PDE1A: variants seen among roughly 807,000 people sequenced by gnomAD.
The protein encoded by PDE1A is dual specificity calcium/calmodulin-dependent 3',5'-cyclic nucleotide phosphodiesterase 1A.
PDE1A carries 35 observed loss-of-function variants against 61.7 expected under a neutral mutation model. The observed-to-expected ratio is 0.57, with a 90% CI of 0.43 to 0.75. PDE1A has a LOEUF of 0.75. PDE1A is among the 30% of genes least tolerant of loss of function. The pLI, the probability that PDE1A is intolerant of heterozygous loss-of-function variation, is 0.00. For synonymous variants in PDE1A, 232 were observed against 213.2 expected, an observed-to-expected ratio of 1.09 and a Z score of -0.77; for missense variants, 597 against 630.6, an observed-to-expected ratio of 0.95 and a Z score of 0.57.
At chr2:182,316,432 T>C (rs1696345172) in intron 1 of PDE1A, among the ~76,000 whole-genome samples, 1 of 152,214 alleles carries the variant, frequency 6.6e-6, no homozygotes, top group African/African-American at 2.4e-5. Flanking sequence ...AGGAAATAAG[T>C]AATTTGCCCA....
intron 2 of PDE1A, among the ~76,000 whole-genome samples, chr2:182,463,220 C>A (rs1309272503): frequency 6.6e-6 from 1 of 151,412 alleles, no homozygotes; most frequent in Non-Finnish European, 1.5e-5. Context: ...GCCTGGGTGA[C>A]AAAGCGAGTC....
chr2:182,319,560 T>C (rs916293159), intron 1 of PDE1A, among the ~76,000 whole-genome samples: 19 of 152,302 alleles, frequency 1.2e-4, no homozygotes, highest in African/African-American at 4.1e-4. Context: ...AATGGGGTGA[T>C]GTTATGTAGA....
At chr2:182,479,250 T>C (rs1421051443) in intron 2 of PDE1A, among the ~76,000 whole-genome samples, 1 of 151,932 alleles carries the variant, frequency 6.6e-6, no homozygotes, top group African/African-American at 2.4e-5. Context: ...TCAGCAATTG[T>C]AGGCATCTTA....
At chr2:182,166,735 G>A (rs1351647915), downstream of PDE1A, among the ~76,000 whole-genome samples, 1 of 152,116 alleles carries the variant, frequency 6.6e-6, no homozygotes, top group Non-Finnish European at 1.5e-5. Context: ...CTAATCTGAT[G>A]ATATTTTATA....
chr2:182,453,377 A>G (rs1244757735), intron 2 of PDE1A, among the ~76,000 whole-genome samples: 2 of 152,014 alleles, frequency 1.3e-5, no homozygotes, highest in African/African-American at 4.8e-5. Context: ...GCCAAATTGG[A>G]CACATGATGC....
At position 182,310,613 on chromosome 2, in the gene PDE1A, T is replaced by TC. The variant is rs1695902613; in HGVS notation, c.54-46200dup. 3.3e-5 allele frequency among the ~76,000 whole-genome samples: 5 copies of TC among 152,204 alleles called. No homozygotes were observed. The South Asian group carries it at 1.0e-3, about 32-fold the overall frequency. ...CGAGATGTATTTAACGCAAATTTAT[T>TC]CCCCCAAAGACAATATAATTGGCAT... On this transcript the variant is annotated intron_variant, in intron 1 of 13. Coordinates refer to ENST00000351439, the Ensembl canonical transcript of PDE1A.
At chr2:182,447,163 T>G (rs1398548964) in intron 2 of PDE1A, among the ~76,000 whole-genome samples, 1 of 151,800 alleles carries the variant, frequency 6.6e-6, no homozygotes, top group Non-Finnish European at 1.5e-5. Context: ...TCTATTCATA[T>G]TTTAAATATC....
the PDE1A span, among the ~76,000 whole-genome samples, chr2:182,659,711 G>A: frequency 1.3e-5 from 2 of 152,156 alleles, no homozygotes; most frequent in South Asian, 2.1e-4. Flanking sequence ...CACCAACCTT[G>A]GTATTCCTTT....
chr2:182,240,489 GACA>G (rs1378144721), intron 2 of PDE1A, among the ~76,000 whole-genome samples, 197 bp from the exon 3 acceptor site: 1 of 152,120 alleles, frequency 6.6e-6, no homozygotes, highest in East Asian at 1.9e-4. Flanking sequence ...ATCATATGAA[GACA>G]ACAACGAATA....
At chr2:182,605,789 G>C in the PDE1A span, among the ~76,000 whole-genome samples, 1 of 152,158 alleles carries the variant, frequency 6.6e-6, no homozygotes, top group Non-Finnish European at 1.5e-5. Context: ...CTCACCAAGG[G>C]TGAAGTAAAA....
intron 13 of PDE1A, among the ~76,000 whole-genome samples, chr2:182,180,557 C>A (rs547830057): frequency 6.6e-6 from 1 of 152,184 alleles, no homozygotes; most frequent in African/African-American, 2.4e-5. Flanking sequence ...CTGAAAATTA[C>A]GTGTCCTGGC....
intron 2 of PDE1A, among the ~76,000 whole-genome samples, chr2:182,467,119 A>G (rs1686725492): frequency 1.3e-5 from 2 of 151,790 alleles, no homozygotes; most frequent in South Asian, 4.1e-4. Flanking sequence ...TAACGAAGAA[A>G]AAAAGAAGAA....
Position 182,518,840 on chromosome 2 carries a change from T to C in PDE1A, c.101+3436A>G, listed in dbSNP as rs186001957. On this transcript the variant is annotated intron_variant, in intron 2 of 14. Coordinates refer to the PDE1A transcript ENST00000410103. ...GAATTTTCTACCTGAAAAATGCTCA[T>C]TTTCAGTTTTCTGAAAATGCTGTCA... is the stretch of plus-strand genomic sequence containing the variant. 8.3e-4 allele frequency among the ~76,000 whole-genome samples: 126 copies of C among 152,282 alleles called. 2 individuals are homozygous for C. Among genetic ancestry groups the C allele is most frequent in the African/African-American group, 2.9e-3 (120 of 41,580 alleles).
At chr2:182,678,338 G>A in the PDE1A span, among the ~76,000 whole-genome samples, 7 of 152,224 alleles carry the variant, frequency 4.6e-5, no homozygotes, top group East Asian at 7.7e-4. Context: ...CAGCAGAATC[G>A]TTTGAACCTG....
the PDE1A span, among the ~76,000 whole-genome samples, chr2:182,562,264 AG>A: frequency 5.3e-5 from 8 of 151,984 alleles, no homozygotes; most frequent in East Asian, 1.9e-4. Context: ...TTTAGCATGA[AG>A]GGTTGTTGAA....
At chr2:182,395,737 G>C (rs1701668079) in intron 1 of PDE1A, among the ~76,000 whole-genome samples, 1 of 152,174 alleles carries the variant, frequency 6.6e-6, no homozygotes, top group Non-Finnish European at 1.5e-5. Context: ...TGGCAGATAG[G>C]GATGCTGTTT....
chr2:182,541,577 T>C, the PDE1A span, among the ~76,000 whole-genome samples: 1 of 152,142 alleles, frequency 6.6e-6, no homozygotes, highest in African/African-American at 2.4e-5. Flanking sequence ...ATAAATGCAA[T>C]ATATTATGCT....
At chr2:182,529,999 C>T in the PDE1A span, among the ~76,000 whole-genome samples, 1 of 152,132 alleles carries the variant, frequency 6.6e-6, no homozygotes, top group Non-Finnish European at 1.5e-5. Context: ...AGATTGAATA[C>T]AGAAGCAGAA....
At position 182,522,500 on chromosome 2, in the gene PDE1A, T is replaced by C. The variant is rs1690631674; in HGVS notation, c.-10-114A>G. On this transcript the variant is annotated intron_variant, in intron 1 of 14. Transcript: ENST00000410103. ...CTCTTATCTATCAAAACAGTGCTGA[T>C]GTACAAAGCTGAGGGAAGACTCTGA... The C allele has an allele frequency of 2.7e-6, 4 of 1,506,642 alleles. 1 individual carries two copies. Among genetic ancestry groups the C allele is most frequent in the Middle Eastern group, 1.8e-4 (1 of 5,588 alleles). 93.3% of individuals were successfully genotyped at this position (1,506,642 alleles called of 1,614,324 possible).
Sources: allele counts gnomAD v4.1 joint callset (sites outside exome capture counted in the v4.1 genomes callset), GRCh38; gene constraint gnomAD v4.1.1; transcripts MANE v1.5; gene names NCBI Gene and HGNC (gene_info 2026-07-23, HGNC 2026-07-21).